SCN2A: variants seen among roughly 807,000 people sequenced by gnomAD.
SCN2A encodes sodium channel protein type 2 subunit alpha.
Under a neutral mutation model 188.7 loss-of-function variants are expected in SCN2A, and 20 were observed. The observed-to-expected ratio is 0.11, with a 90% CI of 0.07 to 0.15. SCN2A has a LOEUF of 0.15. SCN2A is among the 10% of genes least tolerant of loss of function. The pLI, the probability that SCN2A is intolerant of heterozygous loss-of-function variation, is 1.00. For missense variants in SCN2A, 1,278 were observed against 2,445.0 expected, an observed-to-expected ratio of 0.52 and a Z score of 10.07; for synonymous variants, 804 against 833.1, an observed-to-expected ratio of 0.97 and a Z score of 0.60.
chr2:165,297,003 G>T lies in SCN2A; in HGVS notation c.268-14G>T. 7.2e-7 allele frequency: 1 copy of T among 1,391,312 alleles called. No individual in the cohort carries two copies. Among genetic ancestry groups the T allele is most frequent in the South Asian group, 1.2e-5 (1 of 84,574 alleles). 86.2% of individuals were successfully genotyped at this position (1,391,312 alleles called of 1,614,324 possible). A position where few individuals can be genotyped will look rare whatever the true frequency, so the allele number is the denominator to read the frequency against. On this transcript the variant is annotated splice_polypyrimidine_tract_variant and intron_variant, in intron 2 of 26. Coordinates refer to ENST00000375437, the MANE Select transcript of SCN2A (RefSeq NM_001040142.2). ...TTCTAAGTTTTATTTTATGTGTTGT[G>T]TTTTCTTTTTCAGACGTTTATAGTA... is the stretch of plus-strand genomic sequence containing the variant.
At chr2:165,245,826 TTAAA>T (rs1244013152) in intron 1 of SCN2A, among the ~76,000 whole-genome samples, 1 of 152,206 alleles carries the variant, frequency 6.6e-6, no homozygotes, top group African/African-American at 2.4e-5. Context: ...GTCTATTCAA[TTAAA>T]TTGTTCATGA....
intron 12 of SCN2A, among the ~76,000 whole-genome samples, chr2:165,326,214 C>T (rs1698349980): frequency 6.6e-6 from 1 of 152,190 alleles, no homozygotes; most frequent in South Asian, 2.1e-4. Flanking sequence ...CAGTCCCCCA[C>T]ATTGGTATTA....
At chr2:165,290,698 A>T in intron 1 of SCN2A, 1 of 839,710 alleles carries the variant, frequency 1.2e-6, no homozygotes, top group South Asian at 5.5e-5. Context: ...TATGGATTTG[A>T]TAATTGAAGT....
chr2:165,342,221 G>A (rs1205680596), intron 14 of SCN2A, 75 bp from the exon 15 acceptor site: 2 of 1,367,706 alleles, frequency 1.5e-6, no homozygotes, highest in Non-Finnish European at 2.1e-6. Context: ...TTTGTTGGGA[G>A]TAAATTAAGT....
rs1700781321 is a variant in SCN2A at position 165,367,301 on chromosome 2, A to G, written c.3605A>G (p.Tyr1202Cys). The change falls in exon 19 of 27, where the codon TAT becomes TGT. Residue 1202 changes from tyrosine to cysteine, a missense_variant. Around this residue, in one of 17 missense-constraint regions of SCN2A, gnomAD observed 228 missense variants for 297.3 expected, o/e 0.77. Coordinates refer to ENST00000375437, the MANE Select transcript of SCN2A (RefSeq NM_001040142.2). ...KLWWNLRKTC[Y>C]KIVEHNWFET... ...TGGTGGAATTTGAGGAAAACATGCT[A>G]TAAGATAGTGGAGCACAATTGGTTC... The G allele has an allele frequency of 6.2e-7, 1 of 1,614,064 alleles. No individual in the cohort carries two copies. Among genetic ancestry groups the G allele is most frequent in the African/African-American group, 1.3e-5 (1 of 74,942 alleles).
intron 3 of SCN2A, among the ~76,000 whole-genome samples, chr2:165,301,841 GTCAGTTCTGTC>G (rs943950464): frequency 6.6e-6 from 1 of 152,200 alleles, no homozygotes; most frequent in Non-Finnish European, 1.5e-5. Flanking sequence ...AAACAATGTG[GTCAGTTCTGTC>G]TCATTTTGTA....
chr2:165,338,351 C>T (rs1699118236), intron 14 of SCN2A, among the ~76,000 whole-genome samples: 1 of 151,582 alleles, frequency 6.6e-6, no homozygotes, highest in Non-Finnish European at 1.5e-5. Context: ...GCTCCGCCTC[C>T]CCGGTTCACG....
chr2:165,303,424 C>A (rs1159541426), intron 3 of SCN2A, among the ~76,000 whole-genome samples: 1 of 151,646 alleles, frequency 6.6e-6, no homozygotes, highest in African/African-American at 2.4e-5. Flanking sequence ...TACAGGCGCC[C>A]GCCACCACGC....
At chr2:165,339,344 T>A (rs902566582) in intron 14 of SCN2A, among the ~76,000 whole-genome samples, 1 of 151,954 alleles carries the variant, frequency 6.6e-6, no homozygotes, top group African/African-American at 2.4e-5. Context: ...CCCCTTAACA[T>A]AGACAAATAT....
At chr2:165,295,707 A>G (rs559796477) in intron 1 of SCN2A, 66 bp from the exon 2 acceptor site, 39 of 1,464,086 alleles carry the variant, frequency 2.7e-5, no homozygotes, top group Admixed American at 2.6e-4. Flanking sequence ...GCTCAGTGTC[A>G]TGTAACTGAC....
intron 25 of SCN2A, among the ~76,000 whole-genome samples, chr2:165,383,284 A>G (rs976099762): frequency 6.6e-6 from 1 of 152,000 alleles, no homozygotes; most frequent in Non-Finnish European, 1.5e-5. Context: ...AGGCTTTATT[A>G]AAAAAATATA....
In SCN2A at chr2:165,344,743, T is replaced by C. The variant is rs753392872; in HGVS notation, c.2751T>C (p.Asp917=). The stretch of plus-strand genomic sequence containing the variant: ...AATGTGTCTGCAAGATTTCCAATGA[T>C]TGTGAACTCCCACGCTGGCACATGC... The part of the protein sequence containing the change: ...YKECVCKISN[D]CELPRWHMHD... Residue 917 remains aspartate, a synonymous_variant, in exon 16 of 27, where the codon GAT becomes GAC. Transcript: ENST00000375437. 3 of 1,614,134 alleles carry C rather than the reference T, an allele frequency of 1.9e-6. No individual in the cohort carries two copies. In the Admixed American group the frequency reaches 5.0e-5, roughly 27 times the overall value.
In SCN2A at chr2:165,364,815, A is replaced by G. The variant is rs536381448; in HGVS notation, c.3400-328A>G. On this transcript the variant is annotated intron_variant, in intron 17 of 26. Transcript: ENST00000375437. ...TTGAAAACCATTTGCAAACTAATGT[A>G]CAAAAGCAAGATCGCAGATGATTAT... is the stretch of plus-strand genomic sequence containing the variant. Among the ~76,000 whole-genome samples the G allele has an allele frequency of 3.3e-5, 5 of 152,348 alleles. No individual in the cohort carries two copies. The East Asian group carries it at 9.6e-4, about 29-fold the overall frequency.
chr2:165,272,784 ACACACACACACAC>A (rs1326317089), intron 1 of SCN2A: 2 of 150,986 alleles, frequency 1.3e-5, no homozygotes, highest in East Asian at 3.9e-4. Flanking sequence ...ACACACACAC[ACACACACACACAC>A]ACACACACAA....
chr2:165,357,874 G>A lies in SCN2A; in HGVS notation c.3399+3203G>A, dbSNP rs150211305. ...TTTACCCAGGTTACCCAAGCAAGTT[G>A]TACATCTATAAATATAATCAGTTTC... On this transcript the variant is annotated intron_variant, in intron 17 of 26. Transcript: ENST00000375437. Among the ~76,000 whole-genome samples the A allele has an allele frequency of 2.5e-3, 381 of 152,198 alleles. 18 individuals are homozygous for A. The East Asian group carries it at 0.057, about 23-fold the overall frequency.
intron 21 of SCN2A, 118 bp downstream of exon 21, chr2:165,373,465 G>A (rs1252392475): frequency 7.0e-6 from 8 of 1,143,008 alleles, no homozygotes; most frequent in Non-Finnish European, 1.0e-5. Context: ...TACTGACATA[G>A]CTAATCAATC....
intron 3 of SCN2A, among the ~76,000 whole-genome samples, chr2:165,298,934 A>C (rs1696647901): frequency 6.6e-6 from 1 of 152,204 alleles, no homozygotes; most frequent in African/African-American, 2.4e-5. Context: ...CAGATACAAA[A>C]AAAGTGAAAA....
At chr2:165,261,640 A>G (rs10192208) in intron 1 of SCN2A, among the ~76,000 whole-genome samples, 56,018 of 152,118 alleles carry the variant, frequency 0.37, 10,661 homozygotes, top group African/African-American at 0.47. Flanking sequence ...GACGTCCTTC[A>G]TATTGACCTT....
chr2:165,374,380 A>T (rs1327038021), intron 21 of SCN2A, among the ~76,000 whole-genome samples: 1 of 152,044 alleles, frequency 6.6e-6, no homozygotes, highest in Admixed American at 6.6e-5. Context: ...TTCTATATTC[A>T]TGCCACTGTT....
Sources: gnomAD v4.1 joint callset for allele counts (sites outside exome capture counted in the v4.1 genomes callset) on GRCh38, gnomAD v4.1.1 for gene constraint, gnomAD v4.1.1 regional missense constraint, MANE v1.5 for transcripts, NCBI Gene and HGNC (gene_info 2026-07-23, HGNC 2026-07-21) for gene names.